MSTN: variants seen among roughly 807,000 people sequenced by gnomAD.
MSTN encodes myostatin, also known as growth/differentiation factor 8.
Under a neutral mutation model 32.3 loss-of-function variants are expected in MSTN, and 12 were observed. The observed-to-expected ratio is 0.37, with a 90% CI of 0.24 to 0.60. The LOEUF (loss-of-function observed/expected upper bound fraction) is 0.60. Among genes scored for constraint, MSTN ranks in the 20% least tolerant of loss-of-function variants. The pLI is 0.67. For synonymous variants in MSTN, 168 were observed against 155.1 expected (o/e 1.08, Z -0.62); for missense variants, 403 against 450.3 (o/e 0.89, Z 0.95).
In MSTN at chr2:190,057,393, G is replaced by A. The variant is rs1212883493; in HGVS notation, c.993C>T (p.Asn331=). ...YPHTHLVHQA[N]PRGSAGPCCT... ...AGCAAGGGCCTGCTGAACCTCTGGG[G>A]TTTGCTTGGTGTACCAGATGAGTAT... The change falls in exon 3 of 3, where the codon AAC becomes AAT. Residue 331 remains asparagine (N), a synonymous_variant. Coordinates refer to ENST00000260950, the MANE Select transcript of MSTN (RefSeq NM_005259.3). The A allele has an allele frequency of 6.2e-7, 1 of 1,613,484 alleles. No homozygotes were observed. Among genetic ancestry groups the A allele is most frequent in the East Asian group, 2.2e-5 (1 of 44,882 alleles).
At position 190,056,906 on chromosome 2, in the gene MSTN, A is replaced by C. The variant is rs1279407435; in HGVS notation, c.*352T>G. On this transcript the variant is annotated 3_prime_UTR_variant, in exon 3 of 3. Coordinates refer to ENST00000260950, the MANE Select transcript of MSTN (RefSeq NM_005259.3). ...TGGATTTTTCTGTAAATATTAAACA[A>C]AACTTTAAAGAAATAGACTTTAAAG... The C allele has an allele frequency of 4.3e-6, 1 of 231,090 alleles. No individual in the cohort carries two copies. Among genetic ancestry groups the C allele is most frequent in the Admixed American group, 5.2e-5 (1 of 19,298 alleles). 14.3% of individuals were successfully genotyped at this position (231,090 alleles called of 1,614,324 possible).
At chr2:190,059,909 C>T (rs936761913) in intron 2 of MSTN, among the ~76,000 whole-genome samples, 153 bp downstream of exon 2, 11 of 151,846 alleles carry the variant, frequency 7.2e-5, no homozygotes, top group African/African-American at 2.7e-4. Flanking sequence ...AATTGGACAC[C>T]TACTTTTATT....
chr2:190,060,855 C>A (rs189983083), intron 1 of MSTN, among the ~76,000 whole-genome samples: 10 of 152,032 alleles, frequency 6.6e-5, no homozygotes, highest in Admixed American at 5.3e-4. Context: ...AAGAAGGAAC[C>A]CTTCCCCCAG....
chr2:190,062,592 T>C lies in MSTN; in HGVS notation c.5A>G (p.Gln2Arg), dbSNP rs1412008383. 6.2e-7 allele frequency: 1 copy of C among 1,611,346 alleles called. No homozygotes were observed. Among genetic ancestry groups the C allele is most frequent in the African/African-American group, 1.3e-5 (1 of 74,748 alleles). Reference protein sequence around the residue: MQKLQLCVYIYL... With the variant: MRKLQLCVYIYL... Reference sequence around the variant, plus strand: ...AATATAAACACAGAGTTGCAGTTTTTGCATGATTTTAAAATCAATATAATC... The same window carrying C: ...AATATAAACACAGAGTTGCAGTTTTCGCATGATTTTAAAATCAATATAATC... Residue 2 changes from glutamine (Q) to arginine (R), a missense_variant, in exon 1 of 3, where the codon CAA becomes CGA. Gln to Arg is a conservative substitution (Grantham distance 43). Coordinates refer to ENST00000260950, the MANE Select transcript of MSTN (RefSeq NM_005259.3).
Position 190,062,358 on chromosome 2 carries a change from AGTT to A in MSTN, c.236_238del (p.Gln79del). On this transcript the variant is annotated inframe_deletion, in exon 1 of 3. Coordinates refer to ENST00000260950, the MANE Select transcript of MSTN (RefSeq NM_005259.3). ...CCGGAGTGGAGGAGCTTTGGGTAAA[AGTT>A]GTCTTATAACATCTTTGCTGATGTT... is the stretch of plus-strand genomic sequence containing the variant. 6.2e-7 allele frequency: 1 copy of A among 1,613,404 alleles called. No homozygotes were observed. Among genetic ancestry groups the A allele is most frequent in the Non-Finnish European group, 8.5e-7 (1 of 1,179,588 alleles).
intron 1 of MSTN, among the ~76,000 whole-genome samples, chr2:190,061,842 A>G (rs1685604241): frequency 6.6e-6 from 1 of 151,836 alleles, no homozygotes; most frequent in African/African-American, 2.4e-5. Context: ...GTTATTAGTG[A>G]AAAAAACTTA....
intron 2 of MSTN, 56 bp from the exon 3 acceptor site, chr2:190,057,694 T>C: frequency 6.4e-7 from 1 of 1,567,160 alleles, no homozygotes; most frequent in Non-Finnish European, 8.8e-7. Flanking sequence ...AACACTTTTC[T>C]ACCTACCTTA....
chr2:190,056,948 A>C lies in MSTN; in HGVS notation c.*310T>G. Reference sequence around the variant, plus strand: ...ACTTTAAAGCATACTCCTTTAATTCATCAGAACTCAAGGAGAATCGCTTTC... The same window carrying C: ...ACTTTAAAGCATACTCCTTTAATTCCTCAGAACTCAAGGAGAATCGCTTTC... On this transcript the variant is annotated 3_prime_UTR_variant, in exon 3 of 3. Transcript: ENST00000260950. The C allele has an allele frequency of 3.1e-6, 1 of 317,680 alleles. No individual in the cohort carries two copies. The allele number at this position is 317,680 out of a possible 1,614,324, so 19.7% of individuals were successfully genotyped here. A position where few individuals can be genotyped will look rare whatever the true frequency, so the allele number is the denominator to read the frequency against.
In MSTN at chr2:190,057,258, T is replaced by C; in HGVS notation, c.1128A>G (p.Ter376TrpextTer4). ...AMVVDRCGCS[*>W] ...AAGTTATGAACGCTTAATATAAATC[T>C]CATGAGCACCCACAGCGGTCTACTA... is the stretch of plus-strand genomic sequence containing the variant. Residue 376 changes from the stop codon to tryptophan, a stop_lost, in exon 3 of 3, where the codon TGA becomes TGG. Transcript: ENST00000260950. The C allele has an allele frequency of 1.2e-6, 2 of 1,613,102 alleles. No homozygotes were observed. The highest frequency in any genetic ancestry group is 1.7e-6 in the Non-Finnish European group (2 of 1,179,336).
At chr2:190,061,431 C>CCTCCCTCT in intron 1 of MSTN, among the ~76,000 whole-genome samples, 1 of 151,232 alleles carries the variant, frequency 6.6e-6, no homozygotes, top group East Asian at 2.0e-4. Context: ...AGGTAAAAGC[C>CCTCCCTCT]CTCCCTCTCA....
intron 2 of MSTN, among the ~76,000 whole-genome samples, chr2:190,059,015 T>TAC (rs1463631662): frequency 6.6e-6 from 1 of 151,512 alleles, no homozygotes; most frequent in East Asian, 1.9e-4. Context: ...AATATATATA[T>TAC]ACACATATAT....
rs1685614974 is a variant in MSTN at position 190,062,218 on chromosome 2, A to G, written c.373+6T>C. The G allele has an allele frequency of 6.2e-7, 1 of 1,612,736 alleles. No individual in the cohort carries two copies. The highest frequency in any genetic ancestry group is 1.3e-5 in the African/African-American group (1 of 74,956). On this transcript the variant is annotated splice_donor_region_variant and intron_variant, in intron 1 of 2. Transcript: ENST00000260950. Reference sequence around the variant, plus strand: ...ACTGTTGATATACACTAATAGGACTACTTACACTCTGTAGGCATGGTAATG... The same window carrying G: ...ACTGTTGATATACACTAATAGGACTGCTTACACTCTGTAGGCATGGTAATG...
In MSTN at chr2:190,056,142, A is replaced by G. The variant is rs893835362; in HGVS notation, c.*1116T>C. 2.6e-5 allele frequency: 4 copies of G among 152,528 alleles called. No homozygotes were observed. Among genetic ancestry groups the G allele is most frequent in the African/African-American group, 4.8e-5 (2 of 41,436 alleles). 9.4% of individuals were successfully genotyped at this position (152,528 alleles called of 1,614,324 possible). A position where few individuals can be genotyped will look rare whatever the true frequency, so the allele number is the denominator to read the frequency against. ...TAACATATGGAGTTTTAAGACCACTATTTAATCTGCTAATTTGCTCTGAAA... is the reference window on the plus strand; with the variant it reads ...TAACATATGGAGTTTTAAGACCACTGTTTAATCTGCTAATTTGCTCTGAAA... On this transcript the variant is annotated 3_prime_UTR_variant, in exon 3 of 3. Coordinates refer to ENST00000260950, the MANE Select transcript of MSTN (RefSeq NM_005259.3).
chr2:190,058,187 A>T (rs1685489693), intron 2 of MSTN, among the ~76,000 whole-genome samples: 1 of 152,036 alleles, frequency 6.6e-6, no homozygotes, highest in African/African-American at 2.4e-5. Flanking sequence ...TATTTCCTTT[A>T]TTCTTTCACT....
At position 190,057,478 on chromosome 2, in the gene MSTN, C is replaced by A. The variant is rs1685468754; in HGVS notation, c.908G>T (p.Arg303Ile). The change falls in exon 3 of 3, where the codon AGA becomes ATA. Residue 303 changes from arginine to isoleucine, a missense_variant. Arg to Ile is a moderately conservative substitution (Grantham distance 97, BLOSUM62 -3). Transcript: ENST00000260950. ...FGWDWIIAPK[R>I]YKANYCSGEC... ...TCCAGAGCAGTAATTGGCCTTATATCTTTTAGGAGCGATAATCCAATCCCA... is the reference window on the plus strand; with the variant it reads ...TCCAGAGCAGTAATTGGCCTTATATATTTTAGGAGCGATAATCCAATCCCA... 6.2e-7 allele frequency: 1 copy of A among 1,613,408 alleles called. No individual in the cohort carries two copies. Among genetic ancestry groups the A allele is most frequent in the Admixed American group, 1.7e-5 (1 of 59,942 alleles).
In MSTN at chr2:190,057,481, T is replaced by C. The variant is rs1180323695; in HGVS notation, c.905A>G (p.Lys302Arg). The C allele has an allele frequency of 6.2e-7, 1 of 1,613,550 alleles. No individual in the cohort carries two copies. Among genetic ancestry groups the C allele is most frequent in the Non-Finnish European group, 8.5e-7 (1 of 1,179,596 alleles). ...AFGWDWIIAP[K>R]RYKANYCSGE... ...AGAGCAGTAATTGGCCTTATATCTT[T>C]TAGGAGCGATAATCCAATCCCATCC... Residue 302 changes from lysine (K) to arginine (R), a missense_variant, in exon 3 of 3, where the codon AAA becomes AGA. Physicochemically the swap from Lys to Arg is conservative, Grantham distance 26. Transcript: ENST00000260950.
In MSTN at chr2:190,057,576, A is replaced by G. The variant is rs1393827987; in HGVS notation, c.810T>C (p.Leu270=). 14 of 1,613,408 alleles carry G rather than the reference A, an allele frequency of 8.7e-6. No individual in the cohort carries two copies. Among genetic ancestry groups the G allele is most frequent in the Non-Finnish European group, 1.1e-5 (13 of 1,179,574 alleles). The part of the protein sequence containing the change: ...TPKRSRRDFG[L]DCDEHSTESR... ...ATTCTGTTGAGTGCTCATCACAGTCAAGACCAAAATCCCTTCTGGATCTTT... is the reference window on the plus strand; with the variant it reads ...ATTCTGTTGAGTGCTCATCACAGTCGAGACCAAAATCCCTTCTGGATCTTT... Residue 270 remains leucine (L), a synonymous_variant, in exon 3 of 3, where the codon CTT becomes CTC. Transcript: ENST00000260950.
chr2:190,060,183 T>A lies in MSTN; in HGVS notation c.626A>T (p.Lys209Met). The change falls in exon 2 of 3, where the codon AAG becomes ATG. Residue 209 changes from lysine (K) to methionine (M), a missense_variant. Transcript: ENST00000260950. ...GTGIWQSIDV[K>M]TVLQNWLKQP... ...TTTGAGCCAATTTTGCAACACTGTCTTCACATCAATGCTCTGCCAAATACC... is the reference window on the plus strand; with the variant it reads ...TTTGAGCCAATTTTGCAACACTGTCATCACATCAATGCTCTGCCAAATACC... 1 of 1,613,116 alleles carries A rather than the reference T, an allele frequency of 6.2e-7. No homozygotes were observed. Among genetic ancestry groups the A allele is most frequent in the Non-Finnish European group, 8.5e-7 (1 of 1,179,292 alleles).
At chr2:190,058,225 A>G (rs1424740874) in intron 2 of MSTN, among the ~76,000 whole-genome samples, 1 of 151,982 alleles carries the variant, frequency 6.6e-6, no homozygotes, top group Non-Finnish European at 1.5e-5. Context: ...AGGTATTTAA[A>G]AATTTGTTGA....
Sources: allele counts gnomAD v4.1 joint callset (sites outside exome capture counted in the v4.1 genomes callset), GRCh38; gene constraint gnomAD v4.1.1; transcripts MANE v1.5; gene names NCBI Gene and HGNC (gene_info 2026-07-23, HGNC 2026-07-21).